Variants in AKTIP observed in about 807,000 individuals in gnomAD.
AKTIP encodes AKT interacting protein.
A neutral mutation model predicts 39.1 loss-of-function variants in AKTIP; 16 were observed. That is an observed-to-expected ratio of 0.41 (90% confidence interval 0.28 to 0.62). The LOEUF (loss-of-function observed/expected upper bound fraction) is 0.62, where lower values mean the gene tolerates loss of function less well. Ranked by LOEUF, AKTIP falls within the 20% of genes least tolerant of loss-of-function variation. The pLI, the probability that AKTIP is intolerant of heterozygous loss-of-function variation, is 0.32. For synonymous variants in AKTIP, 93 were observed against 124.3 expected, an observed-to-expected ratio of 0.75 and a Z score of 1.67; for missense variants, 262 against 356.6, an observed-to-expected ratio of 0.73 and a Z score of 2.14.
chr16:53,494,723 G>C, intron 5 of AKTIP, 118 bp from the exon 6 acceptor site: 1 of 1,020,888 alleles, frequency 9.8e-7, no homozygotes, highest in South Asian at 1.5e-5. Context: ...TAAAGCTAAA[G>C]AGCTGCCTCA....
chr16:53,495,505 T>G (rs566964351), intron 3 of AKTIP, among the ~76,000 whole-genome samples, 179 bp from the exon 4 acceptor site: 1 of 152,290 alleles, frequency 6.6e-6, no homozygotes, highest in South Asian at 2.1e-4. Flanking sequence ...GCCCCAGCCC[T>G]GATCGCTGCC....
chr16:53,492,252 T>G lies in AKTIP; in HGVS notation c.*160A>C, dbSNP rs1241354137. 2.1e-5 allele frequency: 13 copies of G among 623,362 alleles called. No individual in the cohort carries two copies. Among genetic ancestry groups the G allele is most frequent in the Non-Finnish European group, 3.3e-5 (12 of 359,978 alleles). The allele number at this position is 623,362 out of a possible 1,614,324, so 38.6% of individuals were successfully genotyped here. A position where few individuals can be genotyped will look rare whatever the true frequency, so the allele number is the denominator to read the frequency against. On this transcript the variant is annotated 3_prime_UTR_variant, in exon 10 of 10. Transcript: ENST00000394657. Reference sequence around the variant, plus strand: ...AGTAATGCATTACTTAGAGACAGGTTTCCAAACCCTGCTGTTAGAACCTAT... The same window carrying G: ...AGTAATGCATTACTTAGAGACAGGTGTCCAAACCCTGCTGTTAGAACCTAT...
chr16:53,495,800 A>G (rs769722484), intron 3 of AKTIP, among the ~76,000 whole-genome samples: 5 of 152,172 alleles, frequency 3.3e-5, no homozygotes, highest in Non-Finnish European at 7.3e-5. Flanking sequence ...ATAAATTAAG[A>G]TTTCTTGGAA....
In AKTIP at chr16:53,500,274, AC is replaced by A. The variant is rs780688533; in HGVS notation, c.-16del. The A allele has an allele frequency of 2.5e-6, 4 of 1,611,544 alleles. No individual in the cohort carries two copies. In the African/African-American group the frequency reaches 4.0e-5, roughly 16 times the overall value. On this transcript the variant is annotated 5_prime_UTR_variant, in exon 2 of 10. Transcript: ENST00000394657. ...AAAGGGTTCATAACGTGTATTCCAA[AC>A]AAAGAAAGTCAGTGGTGTATCATCC...
upstream of AKTIP, chr16:53,503,279 GCCC>G (rs1962304979): frequency 2.7e-5 from 1 of 36,692 alleles, no homozygotes; most frequent in African/African-American, 1.1e-4. Context: ...GCCCTGCCCT[GCCC>G]TCGGCAGCGG....
At position 53,492,201 on chromosome 16, in the gene AKTIP, AACC is replaced by A. The variant is rs1961522980; in HGVS notation, c.*208_*210del. On this transcript the variant is annotated 3_prime_UTR_variant, in exon 10 of 10. Coordinates refer to ENST00000394657, the MANE Select transcript of AKTIP (RefSeq NM_022476.4). ...AATAATTTGGAGTACTGAACTAGAT[AACC>A]ACCCTAAGACACTTCTGACAGAAGT... 2.0e-6 allele frequency: 1 copy of A among 495,932 alleles called. No homozygotes were observed. 30.7% of individuals were successfully genotyped at this position (495,932 alleles called of 1,614,324 possible).
In AKTIP at chr16:53,491,441, T is replaced by A. The variant is rs1335304587; in HGVS notation, c.*971A>T. ...TCCAGCAGTTTTCAAGTCAAATTAA[T>A]AATCTTATTAGGGAGAAAATTCAAT... On this transcript the variant is annotated 3_prime_UTR_variant, in exon 10 of 10. Coordinates refer to ENST00000394657, the MANE Select transcript of AKTIP (RefSeq NM_022476.4). 1 of 152,466 alleles carries A rather than the reference T, an allele frequency of 6.6e-6. No homozygotes were observed. The highest frequency in any genetic ancestry group is 6.5e-5 in the Admixed American group (1 of 15,278). 9.4% of individuals were successfully genotyped at this position (152,466 alleles called of 1,614,324 possible).
At position 53,494,146 on chromosome 16, in the gene AKTIP, A is replaced by G. The variant is rs756773458; in HGVS notation, c.702T>C (p.Tyr234=). 11 of 1,612,576 alleles carry G rather than the reference A, an allele frequency of 6.8e-6. No homozygotes were observed. Among genetic ancestry groups the G allele is most frequent in the South Asian group, 1.1e-5 (1 of 91,066 alleles). ...GGGGATGCACCACTTACCTAATTGCATAGGGGTCTTCTATTTTAGGTTGGT... is the reference window on the plus strand; with the variant it reads ...GGGGATGCACCACTTACCTAATTGCGTAGGGGTCTTCTATTTTAGGTTGGT... The part of the protein sequence containing the change: ...LFDQPKIEDP[Y]AISFSPWNPS... The change falls in exon 8 of 10, where the codon TAT becomes TAC. Residue 234 remains tyrosine (Y), a synonymous_variant. Coordinates refer to ENST00000394657, the MANE Select transcript of AKTIP (RefSeq NM_022476.4).
chr16:53,495,381 C>A, intron 3 of AKTIP, 55 bp from the exon 4 acceptor site: 1 of 1,529,370 alleles, frequency 6.5e-7, no homozygotes, highest in South Asian at 1.1e-5. Context: ...ACATGCAGAT[C>A]AAACCACCCC....
chr16:53,492,550 A>T, intron 9 of AKTIP, 31 bp from the exon 10 acceptor site: 1 of 1,611,826 alleles, frequency 6.2e-7, no homozygotes, highest in Non-Finnish European at 8.5e-7. Context: ...AGATATTTAA[A>T]AAATTACTGG....
In AKTIP at chr16:53,494,527, C is replaced by T. The variant is rs760168557; in HGVS notation, c.493G>A (p.Ala165Thr). 3 of 1,614,160 alleles carry T rather than the reference C, an allele frequency of 1.9e-6. No individual in the cohort carries two copies. Among genetic ancestry groups the T allele is most frequent in the Non-Finnish European group, 2.5e-6 (3 of 1,180,008 alleles). Residue 165 changes from alanine to threonine, a missense_variant, in exon 6 of 10, where the codon GCA (alanine) becomes ACA (threonine). This residue lies in a region of AKTIP where 145 missense variants were observed against 159.3 expected (regional missense o/e 0.91). Coordinates refer to ENST00000394657, the MANE Select transcript of AKTIP (RefSeq NM_022476.4). ...ACTTTATTTACTTACCTCCATTTTG[C>T]AAATGCTCTCTTCACATCCAGCTCA... Reference protein sequence around the residue: ...SGELDVKRAFAKWRRNHNHIW... With the variant: ...SGELDVKRAFTKWRRNHNHIW...
intron 2 of AKTIP, among the ~76,000 whole-genome samples, chr16:53,499,668 G>C (rs1056661473): frequency 6.6e-5 from 10 of 152,094 alleles, no homozygotes; most frequent in South Asian, 4.2e-4. Flanking sequence ...CACCATGTTA[G>C]TCAGGATGGT....
intron 1 of AKTIP, chr16:53,501,266 G>C (rs1962151815): frequency 1.3e-5 from 2 of 152,168 alleles, no homozygotes; most frequent in African/African-American, 2.4e-5. Context: ...GAAACATATA[G>C]AAACTGCAGG....
rs16952281 is a variant in AKTIP at position 53,494,778 on chromosome 16, T to G, written c.415-173A>C. On this transcript the variant is annotated intron_variant, in intron 5 of 9. Transcript: ENST00000394657. Reference sequence around the variant, plus strand: ...TTTACCATTTTCCTGAAAAACTAAATTTTGCAATGAAGCGGGGAAAACTCC... The same window carrying G: ...TTTACCATTTTCCTGAAAAACTAAAGTTTGCAATGAAGCGGGGAAAACTCC... The G allele has an allele frequency of 2.5e-3, 1,874 of 736,178 alleles. 26 individuals carry two copies. The African/African-American group carries it at 0.029, about 11-fold the overall frequency. The allele number at this position is 736,178 out of a possible 1,614,324, so 45.6% of individuals were successfully genotyped here. A position where few individuals can be genotyped will look rare whatever the true frequency, so the allele number is the denominator to read the frequency against.
At position 53,493,977 on chromosome 16, in the gene AKTIP, CAAG is replaced by C. The variant is rs757778300; in HGVS notation, c.710+158_710+160del. On this transcript the variant is annotated intron_variant, in intron 8 of 9. Coordinates refer to ENST00000394657, the MANE Select transcript of AKTIP (RefSeq NM_022476.4). ...AGCTTTTTGTTTAAGAGAAGAGCCT[CAAG>C]AGGCATCAGAAATCGAGTTGGCACC... 251 of 598,826 alleles carry C rather than the reference CAAG, an allele frequency of 4.2e-4. 2 individuals carry two copies. The Middle Eastern group carries it at 7.6e-3, about 18-fold the overall frequency. 37.1% of individuals were successfully genotyped at this position (598,826 alleles called of 1,614,324 possible).
In AKTIP at chr16:53,498,545, G is replaced by A. The variant is rs1428326756; in HGVS notation, c.94C>T (p.Pro32Ser). ...AGCTGTTTCTTTGGTGCAGTTCGTG[G>A]AGGACTGGTTTTCACGTCCCCTGTT... ...TLTGDVKTSP[P>S]RTAPKKQLPS... is the part of the protein sequence containing the mutation. The change falls in exon 3 of 10, where the codon CCA (proline) becomes TCA (serine). Residue 32 changes from proline to serine, a missense_variant. Around this residue, in one of 4 missense-constraint regions of AKTIP, gnomAD observed 88 missense variants for 132.1 expected, o/e 0.67. Coordinates refer to ENST00000394657, the MANE Select transcript of AKTIP (RefSeq NM_022476.4). 4 of 1,614,028 alleles carry A rather than the reference G, an allele frequency of 2.5e-6. No individual in the cohort carries two copies. Among genetic ancestry groups the A allele is most frequent in the Non-Finnish European group, 3.4e-6 (4 of 1,180,004 alleles).
intron 1 of AKTIP, among the ~76,000 whole-genome samples, chr16:53,502,347 T>C (rs1962217186): frequency 6.6e-6 from 1 of 152,186 alleles, no homozygotes; most frequent in Non-Finnish European, 1.5e-5. Context: ...CCTTGTCACT[T>C]GGAAACAATT....
Position 53,494,397 on chromosome 16 carries a change from T to C in AKTIP, c.544A>G (p.Arg182Gly). The change falls in exon 7 of 10, where the codon AGG (arginine) becomes GGG (glycine). Residue 182 changes from arginine (R) to glycine (G), a missense_variant. By Grantham distance (125) the Arg-to-Gly change is moderately radical. This residue lies in a region of AKTIP where 145 missense variants were observed against 159.3 expected (regional missense o/e 0.91). Transcript: ENST00000394657. ...NHIWQVLMYA[R>G]RVFYKIDTAS... ...GTATCAATCTTGTAGAAAACTCTCC[T>C]TGCATACATTAATACCTGCCAAATA... The C allele has an allele frequency of 6.2e-7, 1 of 1,614,198 alleles. No homozygotes were observed. The highest frequency in any genetic ancestry group is 8.5e-7 in the Non-Finnish European group (1 of 1,180,034).
rs747506016 is a variant in AKTIP at position 53,495,132 on chromosome 16, C to T, written c.355G>A (p.Asp119Asn). The change falls in exon 5 of 10, where the codon GAT becomes AAT. Residue 119 changes from aspartate to asparagine, a missense_variant. Asp to Asn is a conservative substitution (Grantham distance 23). Around this residue, in one of 4 missense-constraint regions of AKTIP, gnomAD observed 4 missense variants for 26.7 expected, o/e 0.15. Coordinates refer to ENST00000394657, the MANE Select transcript of AKTIP (RefSeq NM_022476.4). The part of the protein sequence containing the change: ...VIFIRHGLYQ[D>N]GVFKFTVYIP... ...TAAACTGTAAACTTAAATACGCCAT[C>T]TTGGTAAAGTCCATGCCGTATGAAT... The T allele has an allele frequency of 1.2e-6, 2 of 1,614,154 alleles. No homozygotes were observed. The highest frequency in any genetic ancestry group is 1.1e-5 in the South Asian group (1 of 91,080).
Sources: gnomAD v4.1 joint callset for allele counts (sites outside exome capture counted in the v4.1 genomes callset) on GRCh38, gnomAD v4.1.1 for gene constraint, gnomAD v4.1.1 regional missense constraint, MANE v1.5 for transcripts, NCBI Gene and HGNC (gene_info 2026-07-23, HGNC 2026-07-21) for gene names.